Variants in PLCH2 observed in about 807,000 individuals in gnomAD.
PLCH2 encodes the protein 1-phosphatidylinositol 4,5-bisphosphate phosphodiesterase eta-2.
A neutral mutation model predicts 134.7 loss-of-function variants in PLCH2; 98 were observed. The ratio of observed to expected loss-of-function variants is 0.73; its 90% confidence interval spans 0.62 to 0.86. The LOEUF is 0.86. Ranked by LOEUF, PLCH2 falls within the 40% of genes least tolerant of loss-of-function variation. The pLI is 0.00. For missense variants in PLCH2, 1,994 were observed against 1,986.6 expected (o/e 1.00, Z -0.07); for synonymous variants, 974 against 827.5 (o/e 1.18, Z -3.04).
chr1:2,466,737 T>G (rs1363590703), upstream of PLCH2, among the ~76,000 whole-genome samples: 1 of 152,226 alleles, frequency 6.6e-6, no homozygotes, highest in East Asian at 1.9e-4. Flanking sequence ...CTGGAAAATG[T>G]TACGTCCCTC....
At chr1:2,452,673 G>A (rs918736636) in intron 2 of PLCH2, among the ~76,000 whole-genome samples, 1 of 152,184 alleles carries the variant, frequency 6.6e-6, no homozygotes, top group East Asian at 1.9e-4. Context: ...AGGCCCTGGG[G>A]ACAGGGGATG....
At chr1:2,475,800 C>T (rs1641582943), upstream of PLCH2, among the ~76,000 whole-genome samples, 2 of 152,218 alleles carry the variant, frequency 1.3e-5, no homozygotes, top group Admixed American at 6.5e-5. Flanking sequence ...CATCCTGGGC[C>T]TGGGCTGGGA....
rs375695463 is a variant in PLCH2 at position 2,478,456 on chromosome 1, C to T, written c.125-20C>T. 4.5e-5 allele frequency: 72 copies of T among 1,611,724 alleles called. No homozygotes were observed. The African/African-American group carries it at 6.7e-4, about 15-fold the overall frequency. On this transcript the variant is annotated intron_variant, in intron 1 of 21. Transcript: ENST00000378486. Reference sequence around the variant, plus strand: ...GAGTGGCTGTGCCTCCGCTGACAGCCGTGTCTCTCCCGTGTCCAGTGGAGC... The same window carrying T: ...GAGTGGCTGTGCCTCCGCTGACAGCTGTGTCTCTCCCGTGTCCAGTGGAGC...
Position 2,494,943 on chromosome 1 carries a change from C to A in PLCH2, c.1747C>A (p.Arg583Ser). Residue 583 changes from arginine to serine, a missense_variant, in exon 12 of 22, where the codon CGC becomes AGC. Physicochemically the swap from Arg to Ser is moderately radical, Grantham distance 110. This residue lies in a region of PLCH2 where 1,094 missense variants were observed against 1,234.3 expected (regional missense o/e 0.89). Coordinates refer to ENST00000378486, the MANE Select transcript of PLCH2 (RefSeq NM_014638.4). ...CCTCGTCGTGGGAAGCTTCTCCAGG[C>A]GCAAGGTCCGGCGCAGCTCCCAGGC... is the stretch of plus-strand genomic sequence containing the variant. Reference protein sequence around the residue: ...GRLVVGSFSRRKKKGSKLKKA... With the variant: ...GRLVVGSFSRSKKKGSKLKKA... 6.3e-7 allele frequency: 1 copy of A among 1,588,714 alleles called. No individual in the cohort carries two copies.
At position 2,498,509 on chromosome 1, in the gene PLCH2, C is replaced by T. The variant is rs369984186; in HGVS notation, c.2225-14C>T. 65 of 1,602,166 alleles carry T rather than the reference C, an allele frequency of 4.1e-5. No homozygotes were observed. Among genetic ancestry groups the T allele is most frequent in the African/African-American group, 3.5e-4 (26 of 74,806 alleles). On this transcript the variant is annotated splice_polypyrimidine_tract_variant and intron_variant, in intron 16 of 21. Coordinates refer to ENST00000378486, the MANE Select transcript of PLCH2 (RefSeq NM_014638.4). The surrounding 1 kb of genome is among the most constrained non-coding windows in gnomAD (Gnocchi z 5.4). ...AGGGCTGGGCCACTGACCACCTCCCCGGCATCCCCTCAGGCGTGTTCAACC... is the reference window on the plus strand; with the variant it reads ...AGGGCTGGGCCACTGACCACCTCCCTGGCATCCCCTCAGGCGTGTTCAACC...
At chr1:2,496,502 T>G (rs1452155854) in intron 13 of PLCH2, 105 bp from the exon 14 acceptor site, 2 of 912,066 alleles carry the variant, frequency 2.2e-6, no homozygotes, top group Non-Finnish European at 3.5e-6. Flanking sequence ...CGGGGCCTGC[T>G]GCGTGAATTA....
chr1:2,471,924 T>C (rs551568628), upstream of PLCH2, among the ~76,000 whole-genome samples: 1 of 152,150 alleles, frequency 6.6e-6, no homozygotes, highest in Non-Finnish European at 1.5e-5. Context: ...AGAGCTGGAG[T>C]GGCTGCCACA....
rs1643267094 is a variant in PLCH2 at position 2,502,251 on chromosome 1, C to A, written c.2801C>A (p.Thr934Asn). ...CTGCGGCGCACGGCCAGCGCCCCGA[C>A]CAAGAGCCAGAAGCCGGGCCGCAGG... ...RILRRTASAPTKSQKPGRRGF... is the reference protein window; with the variant it reads ...RILRRTASAPNKSQKPGRRGF... Residue 934 changes from threonine (T) to asparagine (N), a missense_variant, in exon 21 of 22, where the codon ACC (threonine) becomes AAC (asparagine). Thr to Asn is a moderately conservative substitution (Grantham distance 65). Coordinates refer to ENST00000378486, the MANE Select transcript of PLCH2 (RefSeq NM_014638.4). 4 of 1,541,748 alleles carry A rather than the reference C, an allele frequency of 2.6e-6. No homozygotes were observed. Among genetic ancestry groups the A allele is most frequent in the Non-Finnish European group, 3.5e-6 (4 of 1,144,898 alleles).
the PLCH2 span, among the ~76,000 whole-genome samples, chr1:2,418,041 C>T: frequency 6.6e-6 from 1 of 152,316 alleles, no homozygotes; most frequent in Middle Eastern, 3.4e-3. Context: ...CTGTGTCCTG[C>T]CCCCAAACGC....
Position 2,504,428 on chromosome 1 carries a change from A to G in PLCH2, c.3466A>G (p.Ile1156Val). 1 of 1,612,068 alleles carries G rather than the reference A, an allele frequency of 6.2e-7. No individual in the cohort carries two copies. Among genetic ancestry groups the G allele is most frequent in the Non-Finnish European group, 8.5e-7 (1 of 1,179,710 alleles). Residue 1156 changes from isoleucine to valine, a missense_variant, in exon 22 of 22, where the codon ATT becomes GTT. Around this residue, in one of 2 missense-constraint regions of PLCH2, gnomAD observed 900 missense variants for 752.3 expected, o/e 1.20. Coordinates refer to ENST00000378486, the MANE Select transcript of PLCH2 (RefSeq NM_014638.4). The part of the protein sequence containing the change: ...SSSMSSSDTV[I>V]DLSLPSLGLG... The stretch of plus-strand genomic sequence containing the variant: ...CAGCATGTCATCCAGCGACACTGTC[A>G]TTGACCTCTCCCTGCCCAGCCTGGG...
At chr1:2,476,839 T>TC in intron 1 of PLCH2, 127 bp downstream of exon 1, 1 of 998,932 alleles carries the variant, frequency 1.0e-6, no homozygotes, top group Non-Finnish European at 1.4e-6. Flanking sequence ...GCCTCCCCTG[T>TC]CCCCCGGGTG....
chr1:2,491,750 A>G (rs1356272440), intron 11 of PLCH2, among the ~76,000 whole-genome samples: 1 of 152,186 alleles, frequency 6.6e-6, no homozygotes, highest in Non-Finnish European at 1.5e-5. Flanking sequence ...CTCCTTGTAG[A>G]CCTTGAAGGA....
At chr1:2,500,340 C>G (rs1462982972) in intron 20 of PLCH2, 1 of 156,278 alleles carries the variant, frequency 6.4e-6, no homozygotes, top group Non-Finnish European at 1.4e-5. Flanking sequence ...GGGGCCTGCC[C>G]AGGCCCAGTG....
chr1:2,461,061 G>C (rs1324389429), intron 2 of PLCH2, among the ~76,000 whole-genome samples: 2 of 152,208 alleles, frequency 1.3e-5, no homozygotes, highest in Non-Finnish European at 2.9e-5. Context: ...GTGGCCAGCA[G>C]CTCCTGACAG....
At position 2,448,813 on chromosome 1, in the gene PLCH2, A is replaced by C. The variant is rs1210229297; in HGVS notation, c.115+18184A>C. 6.6e-6 allele frequency among the ~76,000 whole-genome samples: 1 copy of C among 152,066 alleles called. No homozygotes were observed. Among genetic ancestry groups the C allele is most frequent in the Non-Finnish European group, 1.5e-5 (1 of 67,990 alleles). ...GGCTCCACAGGTGACCAAGAGGGGTACTGGAGGCCTGGACGGGCCTCACTC... is the reference window on the plus strand; with the variant it reads ...GGCTCCACAGGTGACCAAGAGGGGTCCTGGAGGCCTGGACGGGCCTCACTC... On this transcript the variant is annotated intron_variant, in intron 2 of 3. Transcript: ENST00000609981. This position sits in a 1 kb window ranked among gnomAD's most constrained non-coding sequence, Gnocchi z 4.0.
intron 2 of PLCH2, among the ~76,000 whole-genome samples, chr1:2,438,853 C>A (rs1639556031): frequency 6.6e-6 from 1 of 152,200 alleles, no homozygotes. Context: ...GATCTAGGGT[C>A]CTTCAGGGGG....
chr1:2,431,628 G>A (rs574994654), intron 2 of PLCH2, among the ~76,000 whole-genome samples: 10 of 152,256 alleles, frequency 6.6e-5, no homozygotes, highest in African/African-American at 1.9e-4. Flanking sequence ...GCCTGGGGGC[G>A]GGAGGAGCCA....
In PLCH2 at chr1:2,469,915, G is replaced by C. The variant is rs149980026; in HGVS notation, c.43+2253G>C. On this transcript the variant is annotated intron_variant, in intron 1 of 21. Transcript: ENST00000449969. Reference sequence around the variant, plus strand: ...TGCTAGCTGGGTGAAGACCCCGAGAGGGGGCCTTGTGGCTGACGGTCACTG... The same window carrying C: ...TGCTAGCTGGGTGAAGACCCCGAGACGGGGCCTTGTGGCTGACGGTCACTG... Among the ~76,000 whole-genome samples, 567 of 152,318 alleles carry C rather than the reference G, an allele frequency of 3.7e-3. 3 individuals are homozygous for C. Among genetic ancestry groups the C allele is most frequent in the African/African-American group, 0.013 (546 of 41,576 alleles).
intron 2 of PLCH2, among the ~76,000 whole-genome samples, chr1:2,454,273 C>A (rs981837512): frequency 2.0e-5 from 3 of 152,190 alleles, no homozygotes; most frequent in Non-Finnish European, 4.4e-5. Context: ...TGGCCAGTGC[C>A]CCGCCCACCA....
Sources: gnomAD v4.1 joint callset for allele counts (sites outside exome capture counted in the v4.1 genomes callset) on GRCh38, gnomAD v4.1.1 for gene constraint, gnomAD v4.1.1 regional missense constraint, Gnocchi (gnomAD v3.1) non-coding constraint, MANE v1.5 for transcripts, NCBI Gene and HGNC (gene_info 2026-07-23, HGNC 2026-07-21) for gene names.